PCM1: variants seen among roughly 807,000 people sequenced by gnomAD.
PCM1 encodes the protein pericentriolar material 1 protein.
A neutral mutation model predicts 241.9 loss-of-function variants in PCM1; 157 were observed. The observed-to-expected ratio is 0.65, with a 90% CI of 0.57 to 0.74. The LOEUF is 0.74. Ranked by LOEUF, PCM1 falls within the 30% of genes least tolerant of loss-of-function variation. The pLI is 0.00. For synonymous variants in PCM1, 1,085 were observed against 784.9 expected (o/e 1.38, Z -6.39); for missense variants, 3,478 against 2,360.1 (o/e 1.47, Z -9.81).
chr8:17,961,172 A>C (rs550611250), intron 15 of PCM1, among the ~76,000 whole-genome samples: 60 of 152,312 alleles, frequency 3.9e-4, no homozygotes, highest in Middle Eastern at 3.4e-3. Flanking sequence ...TTGCTTATTA[A>C]CTAGGATCTT....
chr8:17,927,149 C>G (rs2057315240), intron 2 of PCM1: 1 of 129,802 alleles, frequency 7.7e-6, no homozygotes, highest in Non-Finnish European at 1.6e-5. Context: ...TTTTTGGAGA[C>G]AGAGTCTTGC....
chr8:17,996,265 A>G (rs772534189), intron 29 of PCM1, among the ~76,000 whole-genome samples: 9 of 152,166 alleles, frequency 5.9e-5, no homozygotes, highest in Non-Finnish European at 1.2e-4. Flanking sequence ...ATTTTATCAA[A>G]TGGTTTTTCA....
At chr8:17,976,178 A>G (rs964529211) in intron 23 of PCM1, among the ~76,000 whole-genome samples, 1 of 152,214 alleles carries the variant, frequency 6.6e-6, no homozygotes, top group African/African-American at 2.4e-5. Flanking sequence ...CTGGTAAACA[A>G]CTAGTCAACT....
chr8:17,956,878 T>C, intron 11 of PCM1, 101 bp downstream of exon 11: 1 of 949,442 alleles, frequency 1.1e-6, no homozygotes, highest in Non-Finnish European at 1.6e-6. Context: ...ACTATTTGCC[T>C]TTTATTTAAG....
intron 20 of PCM1, 142 bp from the exon 21 acceptor site, chr8:17,966,838 G>C: frequency 1.4e-6 from 1 of 732,144 alleles, no homozygotes; most frequent in Non-Finnish European, 2.2e-6. Context: ...AAGCCTTATA[G>C]AGCAAGCACG....
chr8:17,974,862 C>CAG (rs200549189), intron 23 of PCM1, among the ~76,000 whole-genome samples: 30 of 143,066 alleles, frequency 2.1e-4, no homozygotes, highest in African/African-American at 8.7e-4. Context: ...TTAAGGCACA[C>CAG]ACACACACAC....
chr8:18,025,691 G>C, intron 38 of PCM1, 33 bp downstream of exon 38: 1 of 1,245,556 alleles, frequency 8.0e-7, no homozygotes, highest in Non-Finnish European at 1.1e-6. Flanking sequence ...TTGCCATATT[G>C]AAAAATCATT....
In PCM1 at chr8:17,985,898, T is replaced by C. The variant is rs2082418850; in HGVS notation, c.4282-61T>C. The C allele has an allele frequency of 1.1e-5, 13 of 1,137,920 alleles. No individual in the cohort carries two copies. The South Asian group carries it at 2.0e-4, about 18-fold the overall frequency. The allele number at this position is 1,137,920 out of a possible 1,614,324, so 70.5% of individuals were successfully genotyped here. A position where few individuals can be genotyped will look rare whatever the true frequency, so the allele number is the denominator to read the frequency against. ...TCTGCTTTTATTTTTGAATCTGTAA[T>C]ATAAATGAATGATTAAGCATGTATG... On this transcript the variant is annotated intron_variant, in intron 25 of 38. Coordinates refer to ENST00000325083, the MANE Select transcript of PCM1 (RefSeq NM_006197.4).
chr8:17,969,505 T>C lies in PCM1; in HGVS notation c.3413-72T>C, dbSNP rs1048686399. The stretch of plus-strand genomic sequence containing the variant: ...TTTGAATGACATGTTTAATTAAAAC[T>C]GTCTTTTAATTTCATTTTAAAGCTA... On this transcript the variant is annotated intron_variant, in intron 21 of 38. Coordinates refer to ENST00000325083, the MANE Select transcript of PCM1 (RefSeq NM_006197.4). The C allele has an allele frequency of 1.1e-4, 128 of 1,121,758 alleles. 1 individual carries two copies. In the East Asian group the frequency reaches 3.1e-3, roughly 27 times the overall value. 69.5% of individuals were successfully genotyped at this position (1,121,758 alleles called of 1,614,324 possible). A position where few individuals can be genotyped will look rare whatever the true frequency, so the allele number is the denominator to read the frequency against.
intron 1 of PCM1, among the ~76,000 whole-genome samples, chr8:17,924,108 C>T (rs1253650294): frequency 2.6e-5 from 4 of 152,130 alleles, no homozygotes; most frequent in African/African-American, 7.2e-5. Context: ...CTACCACCCC[C>T]GCCCCATAAC....
At chr8:17,934,726 A>G (rs1417572747) in intron 2 of PCM1, 2 of 152,192 alleles carry the variant, frequency 1.3e-5, no homozygotes, top group African/African-American at 4.8e-5. Context: ...TTCAACCTGT[A>G]CAATTCCACA....
intron 36 of PCM1, among the ~76,000 whole-genome samples, chr8:18,018,818 A>C (rs1320369706): frequency 6.9e-6 from 1 of 145,560 alleles, no homozygotes; most frequent in African/African-American, 2.5e-5. Context: ...TCAAAAAAAA[A>C]AAAATATGTA....
Position 17,955,515 on chromosome 8 carries a change from C to T in PCM1, c.1334C>T (p.Ser445Phe). 6.2e-7 allele frequency: 1 copy of T among 1,613,728 alleles called. No individual in the cohort carries two copies. The highest frequency in any genetic ancestry group is 8.5e-7 in the Non-Finnish European group (1 of 1,179,756). The stretch of plus-strand genomic sequence containing the variant: ...GATCAGAGAAGTACTTCAGCTCCCT[C>T]TGCTTCTGTAGGCTTGGCACCGGTT... ...SVDQRSTSAP[S>F]ASVGLAPVVN... Residue 445 changes from serine to phenylalanine, a missense_variant, in exon 10 of 39, where the codon TCT becomes TTT. Coordinates refer to ENST00000325083, the MANE Select transcript of PCM1 (RefSeq NM_006197.4).
Position 17,955,487 on chromosome 8 carries a change from G to T in PCM1, c.1306G>T (p.Val436Phe), listed in dbSNP as rs375779601. The T allele has an allele frequency of 6.2e-7, 1 of 1,609,378 alleles. No individual in the cohort carries two copies. The highest frequency in any genetic ancestry group is 2.2e-5 in the East Asian group (1 of 44,784). The change falls in exon 10 of 39, where the codon GTC (valine) becomes TTC (phenylalanine). Residue 436 changes from valine to phenylalanine, a missense_variant. Val to Phe is a conservative substitution (Grantham distance 50, BLOSUM62 -1). Transcript: ENST00000325083. ...NNSSSSPQRS[V>F]DQRSTSAPSA... ...TTCTTCAGCCTCTCCACAAAGGAGTGTCGATCAGAGAAGTACTTCAGCTCC... is the reference window on the plus strand; with the variant it reads ...TTCTTCAGCCTCTCCACAAAGGAGTTTCGATCAGAGAAGTACTTCAGCTCC...
At chr8:17,926,440 CAG>C (rs1396860074) in intron 2 of PCM1, 2 of 152,172 alleles carry the variant, frequency 1.3e-5, no homozygotes, top group African/African-American at 2.4e-5. Flanking sequence ...ACAGATAAAA[CAG>C]TGTGCAAAAC....
chr8:18,018,846 GTGTGTGTATA>G (rs1358886748), intron 36 of PCM1, among the ~76,000 whole-genome samples: 1 of 60,014 alleles, frequency 1.7e-5, no homozygotes. Flanking sequence ...ATATGTGTGT[GTGTGTGTATA>G]TATATATATA....
chr8:17,999,520 G>A (rs1424912630), intron 29 of PCM1, among the ~76,000 whole-genome samples: 2 of 151,974 alleles, frequency 1.3e-5, no homozygotes, highest in Admixed American at 1.3e-4. Context: ...AGCTGTGGCT[G>A]AGCTGGTATC....
rs541259907 is a variant in PCM1 at position 17,994,646 on chromosome 8, C to T, written c.4827+1027C>T. Among the ~76,000 whole-genome samples, 3 of 152,306 alleles carry T rather than the reference C, an allele frequency of 2.0e-5. No individual in the cohort carries two copies. The South Asian group carries it at 6.2e-4, about 32-fold the overall frequency. On this transcript the variant is annotated intron_variant, in intron 29 of 38. Transcript: ENST00000325083. Reference sequence around the variant, plus strand: ...TCTCCAGAGGGGTTGTACTAATTTACATTCCCACCAGCAGTGTATGAAAGT... The same window carrying T: ...TCTCCAGAGGGGTTGTACTAATTTATATTCCCACCAGCAGTGTATGAAAGT...
rs115125628 is a variant in PCM1 at position 17,994,274 on chromosome 8, A to G, written c.4827+655A>G. 4.6e-3 allele frequency among the ~76,000 whole-genome samples: 704 copies of G among 152,290 alleles called. 4 individuals carry two copies. Among genetic ancestry groups the G allele is most frequent in the African/African-American group, 0.016 (654 of 41,572 alleles). ...TTTTTAGCTCCCACAAGTAAGTGAG[A>G]ACATATGAAGTTTGTCTTTCTGTGC... is the stretch of plus-strand genomic sequence containing the variant. On this transcript the variant is annotated intron_variant, in intron 29 of 38. Transcript: ENST00000325083.
Sources: gnomAD v4.1 joint callset for allele counts (sites outside exome capture counted in the v4.1 genomes callset) on GRCh38, gnomAD v4.1.1 for gene constraint, MANE v1.5 for transcripts, NCBI Gene and HGNC (gene_info 2026-07-23, HGNC 2026-07-21) for gene names.